Variants in GABRG3 observed in about 807,000 individuals in gnomAD.
GABRG3 encodes the protein gamma-aminobutyric acid type A receptor subunit gamma3.
Under a neutral mutation model 48.8 loss-of-function variants are expected in GABRG3, and 25 were observed. The observed-to-expected ratio is 0.51, with a 90% CI of 0.37 to 0.72. The LOEUF is 0.72. Among genes scored for constraint, GABRG3 ranks in the 30% least tolerant of loss-of-function variants. The pLI is 0.00. For missense variants in GABRG3, 394 were observed against 577.9 expected (o/e 0.68, Z 3.26); for synonymous variants, 227 against 217.6 (o/e 1.04, Z -0.38).
At chr15:27,379,591 A>G (rs149549080) in intron 5 of GABRG3, among the ~76,000 whole-genome samples, 1,852 of 152,258 alleles carry the variant, frequency 0.012, 46 homozygotes, top group African/African-American at 0.042. Context: ...TTATTTTAAC[A>G]TTTCCTGCAA....
intron 3 of GABRG3, among the ~76,000 whole-genome samples, chr15:27,281,213 T>C (rs1891422147): frequency 6.6e-6 from 1 of 152,198 alleles, no homozygotes; most frequent in South Asian, 2.1e-4. Flanking sequence ...ATGGAGTTTC[T>C]TGTAGACATC....
chr15:27,106,558 C>A (rs1055249147), intron 3 of GABRG3, among the ~76,000 whole-genome samples: 1 of 151,632 alleles, frequency 6.6e-6, no homozygotes, highest in African/African-American at 2.4e-5. Flanking sequence ...CCAAAGCAGG[C>A]AGAAGGAAGA....
At chr15:27,210,842 A>C (rs1294128033) in intron 3 of GABRG3, among the ~76,000 whole-genome samples, 1 of 152,146 alleles carries the variant, frequency 6.6e-6, no homozygotes, top group Non-Finnish European at 1.5e-5. Context: ...GCTTGACAAG[A>C]GTTGTTAGAG....
intron 5 of GABRG3, among the ~76,000 whole-genome samples, chr15:27,410,841 C>T (rs1044801198): frequency 6.3e-5 from 8 of 127,564 alleles, no homozygotes; most frequent in Middle Eastern, 4.0e-3. Context: ...CACGTGCGCA[C>T]GCTCGTGTGT....
intron 3 of GABRG3, among the ~76,000 whole-genome samples, chr15:27,159,366 C>A (rs1419162160): frequency 6.6e-6 from 1 of 151,980 alleles, no homozygotes; most frequent in Non-Finnish European, 1.5e-5. Flanking sequence ...CCTGTAATCC[C>A]AGCTACTGGG....
chr15:27,320,994 C>T (rs185822523), intron 3 of GABRG3, among the ~76,000 whole-genome samples: 230 of 152,320 alleles, frequency 1.5e-3, no homozygotes, highest in African/African-American at 5.2e-3. Flanking sequence ...TATGCTTCCC[C>T]GGGCCTGTCA....
chr15:27,307,851 TTATA>T (rs1268508984), intron 3 of GABRG3, among the ~76,000 whole-genome samples: 3 of 129,522 alleles, frequency 2.3e-5, no homozygotes, highest in African/African-American at 6.0e-5. Flanking sequence ...ATAAACATGT[TTATA>T]TATAAATATA....
rs369537787 is a variant in GABRG3, at chr15:27,037,888, A to T, written c.270+11067A>T. ...GATCATGGTGCTCCTGCTCTGTCAG[A>T]TTCCTACTTTCCACATGCCACCAAC... On this transcript the variant is annotated intron_variant, in intron 3 of 9. Transcript: ENST00000615808. Among the ~76,000 whole-genome samples, 7 of 152,268 alleles carry T rather than the reference A, an allele frequency of 4.6e-5. No individual in the cohort carries two copies. The East Asian group carries it at 1.2e-3, about 25-fold the overall frequency.
intron 3 of GABRG3, among the ~76,000 whole-genome samples, chr15:27,247,492 C>T (rs1477426045): frequency 2.6e-5 from 4 of 152,258 alleles, no homozygotes; most frequent in Non-Finnish European, 4.4e-5. Flanking sequence ...ATGCAGAACA[C>T]CCCTGAATGG....
intron 6 of GABRG3, among the ~76,000 whole-genome samples, chr15:27,502,246 T>G (rs965938932): frequency 2.0e-5 from 3 of 152,248 alleles, no homozygotes; most frequent in African/African-American, 7.2e-5. Flanking sequence ...AATAATACTT[T>G]GTAGCTTATA....
intron 3 of GABRG3, among the ~76,000 whole-genome samples, chr15:27,062,448 A>AAAAAAAAAAAAAAAC: frequency 7.3e-6 from 1 of 136,862 alleles, no homozygotes; most frequent in Non-Finnish European, 1.6e-5. Context: ...AAAAAAAAAA[A>AAAAAAAAAAAAAAAC]AAAAAAAAAA....
At chr15:27,101,588 C>T (rs140638566) in intron 3 of GABRG3, among the ~76,000 whole-genome samples, 2 of 152,196 alleles carry the variant, frequency 1.3e-5, no homozygotes, top group Admixed American at 6.5e-5. Flanking sequence ...GAGGAGTAGA[C>T]ACATAGATCT....
chr15:27,357,953 A>G (rs1894895308), intron 5 of GABRG3, among the ~76,000 whole-genome samples: 1 of 152,194 alleles, frequency 6.6e-6, no homozygotes, highest in Non-Finnish European at 1.5e-5. Flanking sequence ...TGAATTTGTA[A>G]CTTCAGGCAT....
At chr15:27,408,957 A>G (rs1311348142) in intron 5 of GABRG3, among the ~76,000 whole-genome samples, 1 of 152,214 alleles carries the variant, frequency 6.6e-6, no homozygotes, top group Non-Finnish European at 1.5e-5. Context: ...CTTTACAGAA[A>G]CAATGTTTAA....
chr15:27,326,513 G>A (rs2140518496), intron 3 of GABRG3, among the ~76,000 whole-genome samples: 1 of 152,262 alleles, frequency 6.6e-6, no homozygotes, highest in East Asian at 1.9e-4. Context: ...GGAGCCTAGG[G>A]TTTGCCTCCA....
chr15:27,370,896 T>C (rs2140555799), intron 5 of GABRG3, among the ~76,000 whole-genome samples: 1 of 152,284 alleles, frequency 6.6e-6, no homozygotes, highest in Non-Finnish European at 1.5e-5. Context: ...TTATCAAAAC[T>C]GACTAAGCTA....
rs999338408 is a variant in GABRG3, at chr15:27,031,382, G to T, written c.270+4561G>T. On this transcript the variant is annotated intron_variant, in intron 3 of 9. Coordinates refer to ENST00000615808, the MANE Select transcript of GABRG3 (RefSeq NM_033223.5). Reference sequence around the variant, plus strand: ...ATATTTTTACTGTTTCCATAGTTTTGCTTTTTCCTAAGTGTCACATACTTC... The same window carrying T: ...ATATTTTTACTGTTTCCATAGTTTTTCTTTTTCCTAAGTGTCACATACTTC... Among the ~76,000 whole-genome samples, 6 of 152,094 alleles carry T rather than the reference G, an allele frequency of 3.9e-5. No homozygotes were observed. In the East Asian group the frequency reaches 9.7e-4, roughly 24 times the overall value.
intron 5 of GABRG3, among the ~76,000 whole-genome samples, chr15:27,428,864 G>C (rs1051926384): frequency 1.3e-5 from 2 of 152,194 alleles, no homozygotes; most frequent in Non-Finnish European, 2.9e-5. Flanking sequence ...ATTTGTATCA[G>C]TTTGCAAATG....
At chr15:27,397,015 G>C (rs1887320243) in intron 5 of GABRG3, among the ~76,000 whole-genome samples, 1 of 152,102 alleles carries the variant, frequency 6.6e-6, no homozygotes, top group Non-Finnish European at 1.5e-5. Context: ...TCGAAGTGGT[G>C]AACACAAGAC....
Sources: gnomAD v4.1 joint callset for allele counts (sites outside exome capture counted in the v4.1 genomes callset) on GRCh38, gnomAD v4.1.1 for gene constraint, MANE v1.5 for transcripts, NCBI Gene and HGNC (gene_info 2026-07-23, HGNC 2026-07-21) for gene names.